GABRA2: variants seen among roughly 807,000 people sequenced by gnomAD.
GABRA2 encodes the protein gamma-aminobutyric acid receptor subunit alpha-2.
In GABRA2, 16 loss-of-function variants were observed where a neutral mutation model predicts 48.7. The ratio of observed to expected loss-of-function variants is 0.33; its 90% confidence interval spans 0.22 to 0.50. The LOEUF (loss-of-function observed/expected upper bound fraction) is 0.50. Among genes scored for constraint, GABRA2 ranks in the 20% least tolerant of loss-of-function variants. The probability of loss-of-function intolerance (pLI) is 0.98; values close to 1 mark genes in which losing one functional copy is unlikely to be tolerated. For missense variants in GABRA2, 275 were observed against 535.6 expected (o/e 0.51, Z 4.80); for synonymous variants, 185 against 184.5 (o/e 1.00, Z -0.02).
chr4:46,374,175 A>C (rs1407961403), intron 3 of GABRA2, among the ~76,000 whole-genome samples: 5 of 152,162 alleles, frequency 3.3e-5, no homozygotes, highest in African/African-American at 7.2e-5. Flanking sequence ...AACTGAAAAA[A>C]TTTGAACTCT....
chr4:46,279,494 CT>C (rs1054418150), intron 8 of GABRA2, among the ~76,000 whole-genome samples: 1 of 151,884 alleles, frequency 6.6e-6, no homozygotes, highest in African/African-American at 2.4e-5. Flanking sequence ...CTTTTCATCT[CT>C]TTTTTTAAAT....
chr4:46,350,947 G>A (rs1353205738), intron 3 of GABRA2, among the ~76,000 whole-genome samples: 2 of 151,808 alleles, frequency 1.3e-5, no homozygotes, highest in Non-Finnish European at 2.9e-5. Context: ...GGAGGCACAT[G>A]ATTCTGAACT....
chr4:46,294,486 C>T (rs1247079755), intron 8 of GABRA2, among the ~76,000 whole-genome samples: 1 of 152,176 alleles, frequency 6.6e-6, no homozygotes, highest in East Asian at 1.9e-4. Context: ...GTCACTCCAT[C>T]CCATTTATTG....
intron 4 of GABRA2, among the ~76,000 whole-genome samples, chr4:46,321,358 G>T (rs1011522414): frequency 2.2e-4 from 33 of 151,926 alleles, no homozygotes; most frequent in Admixed American, 2.2e-3. Context: ...GGAAATGTAA[G>T]TGCTCTTACT....
chr4:46,265,620 T>C (rs964154809), intron 8 of GABRA2, among the ~76,000 whole-genome samples: 1 of 151,214 alleles, frequency 6.6e-6, no homozygotes, highest in African/African-American at 2.4e-5. Context: ...TATTGATCTG[T>C]TCAAGAACCA....
At chr4:46,366,211 T>C (rs1714012763) in intron 3 of GABRA2, 1 of 152,094 alleles carries the variant, frequency 6.6e-6, no homozygotes, top group South Asian at 2.1e-4. Flanking sequence ...AACACCCTAA[T>C]AGATTTTCTG....
chr4:46,364,395 A>G (rs1035874957), intron 3 of GABRA2: 2 of 152,190 alleles, frequency 1.3e-5, no homozygotes, highest in African/African-American at 2.4e-5. Flanking sequence ...AAATTATTAC[A>G]AACTTAACAA....
chr4:46,283,095 C>T (rs1721837749), intron 8 of GABRA2, among the ~76,000 whole-genome samples: 2 of 152,294 alleles, frequency 1.3e-5, no homozygotes, highest in South Asian at 4.1e-4. Context: ...GCAGAAACTA[C>T]TAGCTATCAA....
At chr4:46,348,467 C>A (rs1267679746) in intron 3 of GABRA2, among the ~76,000 whole-genome samples, 1 of 152,004 alleles carries the variant, frequency 6.6e-6, no homozygotes, top group Admixed American at 6.6e-5. Context: ...TATAAAGACA[C>A]ATGCACACAT....
chr4:46,303,841 G>A (rs1726170916), intron 7 of GABRA2, among the ~76,000 whole-genome samples: 1 of 152,142 alleles, frequency 6.6e-6, no homozygotes, highest in African/African-American at 2.4e-5. Context: ...ATATTGTACA[G>A]ATTAAGTACC....
chr4:46,318,761 A>G (rs1728960931), intron 4 of GABRA2, among the ~76,000 whole-genome samples: 1 of 151,720 alleles, frequency 6.6e-6, no homozygotes, highest in Admixed American at 6.6e-5. Flanking sequence ...ACATACAACT[A>G]AAGTGCAAAT....
Position 46,250,403 on chromosome 4 carries a change from A to T in GABRA2, c.1261T>A (p.Ser421Thr). The change falls in exon 10 of 10, where the codon TCC becomes ACC. Residue 421 changes from serine to threonine, a missense_variant. Physicochemically the swap from Ser to Thr is moderately conservative, Grantham distance 58 (BLOSUM62 1). This residue lies in a region of GABRA2 where 99 missense variants were observed against 124.3 expected (regional missense o/e 0.80). Coordinates refer to ENST00000381620, the MANE Select transcript of GABRA2 (RefSeq NM_000807.4). ...AACAAAACTGGAAAAACTATTCTGG[A>T]CATTCTGTCAATTTTGCTAACACTG... ...FNSVSKIDRMSRIVFPVLFGT... is the reference protein window; with the variant it reads ...FNSVSKIDRMTRIVFPVLFGT... The T allele has an allele frequency of 6.2e-7, 1 of 1,611,730 alleles. No individual in the cohort carries two copies. Among genetic ancestry groups the T allele is most frequent in the Non-Finnish European group, 8.5e-7 (1 of 1,178,476 alleles).
chr4:46,344,782 T>C (rs1343109812), intron 3 of GABRA2, among the ~76,000 whole-genome samples: 1 of 151,898 alleles, frequency 6.6e-6, no homozygotes, highest in Non-Finnish European at 1.5e-5. Flanking sequence ...TGGAAATAGA[T>C]TTTTAAATCT....
intron 3 of GABRA2, among the ~76,000 whole-genome samples, chr4:46,370,927 C>T (rs940055461): frequency 1.4e-4 from 21 of 151,990 alleles, no homozygotes; most frequent in African/African-American, 5.1e-4. Flanking sequence ...CACACAAAAC[C>T]ACAGGAGAAA....
chr4:46,298,325 T>C (rs530395386), intron 8 of GABRA2, among the ~76,000 whole-genome samples: 103 of 151,622 alleles, frequency 6.8e-4, no homozygotes, highest in Non-Finnish European at 1.4e-3. Context: ...TAGTGTTCTT[T>C]GTTTACATTT....
intron 5 of GABRA2, among the ~76,000 whole-genome samples, 180 bp from the exon 6 acceptor site, chr4:46,310,435 T>C (rs1015136652): frequency 1.3e-5 from 2 of 152,220 alleles, no homozygotes; most frequent in Non-Finnish European, 2.9e-5. Flanking sequence ...CATTGGCGTA[T>C]ACAAATTCTC....
intron 8 of GABRA2, among the ~76,000 whole-genome samples, chr4:46,291,586 G>T (rs1456238774): frequency 6.6e-6 from 1 of 151,960 alleles, no homozygotes; most frequent in African/African-American, 2.4e-5. Context: ...ACGTGAAAAG[G>T]CTAGCCTGGC....
At chr4:46,281,863 A>G (rs1309841181) in intron 8 of GABRA2, among the ~76,000 whole-genome samples, 7 of 148,000 alleles carry the variant, frequency 4.7e-5, no homozygotes, top group Admixed American at 4.1e-4. Context: ...TCTTTCTTCT[A>G]GAGATGATCA....
intron 8 of GABRA2, among the ~76,000 whole-genome samples, chr4:46,290,972 T>C (rs1174274757): frequency 6.6e-6 from 1 of 152,192 alleles, no homozygotes; most frequent in African/African-American, 2.4e-5. Flanking sequence ...TAATGTGTGG[T>C]TGGATTTACA....
Sources: allele counts gnomAD v4.1 joint callset (sites outside exome capture counted in the v4.1 genomes callset), GRCh38; gene constraint gnomAD v4.1.1; regional missense constraint gnomAD v4.1.1; transcripts MANE v1.5; gene names NCBI Gene and HGNC (gene_info 2026-07-23, HGNC 2026-07-21).